Variants in MLIP observed in about 807,000 individuals in gnomAD.
MLIP encodes the protein muscular LMNA-interacting protein.
Under a neutral mutation model 84.8 loss-of-function variants are expected in MLIP, and 79 were observed. That is an observed-to-expected ratio of 0.93 (90% CI 0.78 to 1.12). The LOEUF is 1.12. Ranked by LOEUF, MLIP falls within the 50% of genes most tolerant of loss-of-function variation. The pLI, the probability that MLIP is intolerant of heterozygous loss-of-function variation, is 0.00. For missense variants in MLIP, 1,257 were observed against 1,160.6 expected (o/e 1.08, Z -1.21); for synonymous variants, 504 against 463.0 (o/e 1.09, Z -1.14).
chr6:54,145,625 A>C (rs1030524495), intron 4 of MLIP, among the ~76,000 whole-genome samples: 3 of 152,020 alleles, frequency 2.0e-5, no homozygotes, highest in African/African-American at 4.8e-5. Flanking sequence ...AATAAAAAAA[A>C]ATTAGCTGGG....
intron 4 of MLIP, among the ~76,000 whole-genome samples, chr6:54,138,856 G>A (rs1772054385): frequency 1.3e-5 from 2 of 152,172 alleles, no homozygotes; most frequent in Non-Finnish European, 2.9e-5. Context: ...CCCATACCCA[G>A]AATTTGATAG....
intron 13 of MLIP, among the ~76,000 whole-genome samples, chr6:54,263,895 A>T (rs1934790): frequency 0.13 from 19,526 of 145,122 alleles, 1,458 homozygotes; most frequent in African/African-American, 0.22. Flanking sequence ...AATAGAATTG[A>T]TTTATTTGTT....
intron 12 of MLIP, among the ~76,000 whole-genome samples, chr6:54,254,459 A>C (rs1162383008): frequency 6.6e-6 from 1 of 151,818 alleles, no homozygotes; most frequent in Non-Finnish European, 1.5e-5. Context: ...CACTGTTTCC[A>C]TTCTGACTGG....
At chr6:54,143,501 G>A (rs1415293302) in intron 4 of MLIP, among the ~76,000 whole-genome samples, 2 of 152,092 alleles carry the variant, frequency 1.3e-5, no homozygotes, top group African/African-American at 4.8e-5. Flanking sequence ...CCACCACACT[G>A]GCCAGGATTT....
chr6:54,218,791 C>T lies in MLIP; in HGVS notation c.2719-11923C>T, dbSNP rs183914476. Among the ~76,000 whole-genome samples, 122 of 151,936 alleles carry T rather than the reference C, an allele frequency of 8.0e-4. 3 individuals are homozygous for T. Among genetic ancestry groups the T allele is most frequent in the Admixed American group, 7.4e-3 (113 of 15,244 alleles). ...TCAGCCTCCCAAAGTACTGGGATTA[C>T]AGGTGTGAGCCACCACAACTGGCCA... is the stretch of plus-strand genomic sequence containing the variant. On this transcript the variant is annotated intron_variant, in intron 11 of 13. Transcript: ENST00000502396.
chr6:54,191,392 G>T (rs1221246588), intron 10 of MLIP, among the ~76,000 whole-genome samples: 1 of 152,160 alleles, frequency 6.6e-6, no homozygotes, highest in African/African-American at 2.4e-5. Context: ...GTATACTGGT[G>T]TTTATACATA....
At chr6:54,221,664 A>G (rs1180018384) in intron 11 of MLIP, among the ~76,000 whole-genome samples, 1 of 152,040 alleles carries the variant, frequency 6.6e-6, no homozygotes, top group African/African-American at 2.4e-5. Flanking sequence ...AAAAAGTGAA[A>G]ATATATTATT....
intron 1 of MLIP, among the ~76,000 whole-genome samples, chr6:54,038,840 A>T (rs193298369): frequency 6.6e-6 from 1 of 152,038 alleles, no homozygotes; most frequent in East Asian, 1.9e-4. Flanking sequence ...TTATTACATA[A>T]AATAACTCAA....
intron 1 of MLIP, chr6:54,058,952 T>G (rs1043978605): frequency 6.6e-6 from 1 of 152,134 alleles, no homozygotes; most frequent in Admixed American, 6.5e-5. Flanking sequence ...AATTCAAGCT[T>G]AAAGCTCCGT....
At chr6:54,230,193 TC>T (rs1376897808) in intron 11 of MLIP, among the ~76,000 whole-genome samples, 1 of 152,186 alleles carries the variant, frequency 6.6e-6, no homozygotes, top group Non-Finnish European at 1.5e-5. Context: ...TGATTCCTTA[TC>T]CATGACAAAC....
chr6:54,173,378 C>T lies in MLIP; in HGVS notation c.2544+3806C>T, dbSNP rs557074459. On this transcript the variant is annotated intron_variant, in intron 9 of 13. Coordinates refer to ENST00000502396, the MANE Select transcript of MLIP (RefSeq NM_001281747.2). ...CAAATTATTTCTTCATGCCCAATAACCTTCAGCCTAAACTTAGAAGGAATA... is the reference window on the plus strand; with the variant it reads ...CAAATTATTTCTTCATGCCCAATAATCTTCAGCCTAAACTTAGAAGGAATA... Among the ~76,000 whole-genome samples, 9 of 151,876 alleles carry T rather than the reference C, an allele frequency of 5.9e-5. No homozygotes were observed. In the South Asian group the frequency reaches 1.9e-3, roughly 32 times the overall value.
intron 13 of MLIP, among the ~76,000 whole-genome samples, chr6:54,265,668 C>G (rs1562125925): frequency 6.6e-6 from 1 of 152,000 alleles, no homozygotes; most frequent in Admixed American, 6.6e-5. Context: ...CAGCCCCTGC[C>G]CCTCAAAACC....
At chr6:54,195,232 TCA>T (rs1778213320) in intron 10 of MLIP, among the ~76,000 whole-genome samples, 1 of 152,092 alleles carries the variant, frequency 6.6e-6, no homozygotes, top group Non-Finnish European at 1.5e-5. Flanking sequence ...CCAGCCAGAC[TCA>T]CAGAATTTGC....
At chr6:54,029,852 G>A (rs562158162) in intron 1 of MLIP, among the ~76,000 whole-genome samples, 23 of 152,184 alleles carry the variant, frequency 1.5e-4, no homozygotes, top group African/African-American at 5.3e-4. Flanking sequence ...GCTGGGATGC[G>A]GTGGTAAGAA....
Position 54,266,145 on chromosome 6 carries a change from T to C in MLIP, c.*190T>C. The stretch of plus-strand genomic sequence containing the variant: ...CACAGTGCTCTGCTAACAGCCAGCA[T>C]AGAAGAGATTTACCTACAGCTTTTT... On this transcript the variant is annotated 3_prime_UTR_variant, in exon 14 of 14. Coordinates refer to ENST00000502396, the MANE Select transcript of MLIP (RefSeq NM_001281747.2). 1.6e-6 allele frequency: 1 copy of C among 607,932 alleles called. No individual in the cohort carries two copies. The highest frequency in any genetic ancestry group is 3.0e-6 in the Non-Finnish European group (1 of 338,592). The allele number at this position is 607,932 out of a possible 1,614,324, so 37.7% of individuals were successfully genotyped here. A position where few individuals can be genotyped will look rare whatever the true frequency, so the allele number is the denominator to read the frequency against.
At chr6:54,179,188 C>T (rs753749533) in intron 9 of MLIP, among the ~76,000 whole-genome samples, 1 of 152,074 alleles carries the variant, frequency 6.6e-6, no homozygotes, top group East Asian at 1.9e-4. Context: ...GTGTTGGTAT[C>T]TATTGTGTCT....
chr6:54,145,793 A>C (rs4715444), intron 4 of MLIP, among the ~76,000 whole-genome samples: 42,054 of 129,110 alleles, frequency 0.33, 6,428 homozygotes, highest in African/African-American at 0.41. Context: ...CCCCTCCCCC[A>C]CAAAAAAAAA....
intron 9 of MLIP, among the ~76,000 whole-genome samples, chr6:54,172,856 TTAAAG>T (rs1775908386): frequency 1.3e-5 from 2 of 151,700 alleles, no homozygotes; most frequent in Admixed American, 1.3e-4. Context: ...TTCAGACTAA[TTAAAG>T]TAAAGGTTTT....
chr6:54,077,416 A>G (rs1766871951), intron 1 of MLIP, among the ~76,000 whole-genome samples: 1 of 152,066 alleles, frequency 6.6e-6, no homozygotes, highest in South Asian at 2.1e-4. Flanking sequence ...TGGTCTGTGA[A>G]TCTTAGTTGC....
Sources: allele counts gnomAD v4.1 joint callset (sites outside exome capture counted in the v4.1 genomes callset), GRCh38; gene constraint gnomAD v4.1.1; transcripts MANE v1.5; gene names NCBI Gene and HGNC (gene_info 2026-07-23, HGNC 2026-07-21).